The following SLC2A11 variants were observed in gnomAD, a reference collection of about 807,000 sequenced individuals.
The protein encoded by SLC2A11 is solute carrier family 2, facilitated glucose transporter member 11.
In SLC2A11, 43 loss-of-function variants were observed where a neutral mutation model predicts 52.1. That is an observed-to-expected ratio of 0.82 (90% CI 0.65 to 1.06). The LOEUF (loss-of-function observed/expected upper bound fraction) is 1.06. Among genes scored for constraint, SLC2A11 ranks in the 50% least tolerant of loss-of-function variants. SLC2A11 has a pLI of 0.00. For synonymous variants in SLC2A11, 261 were observed against 277.6 expected (o/e 0.94, Z 0.59); for missense variants, 582 against 654.2 (o/e 0.89, Z 1.20).
At chr22:23,878,772 G>C (rs922321055) in intron 6 of SLC2A11, among the ~76,000 whole-genome samples, 1 of 152,140 alleles carries the variant, frequency 6.6e-6, no homozygotes, top group East Asian at 1.9e-4. Context: ...TCCCATCCCA[G>C]GATCCCCCAA....
In SLC2A11 at chr22:23,877,661, G is replaced by T. The variant is rs755247360; in HGVS notation, c.546-60G>T. 4.6e-4 allele frequency: 694 copies of T among 1,506,768 alleles called. 3 individuals are homozygous for T. Among genetic ancestry groups the T allele is most frequent in the Non-Finnish European group, 5.2e-4 (582 of 1,126,246 alleles). 93.3% of individuals were successfully genotyped at this position (1,506,768 alleles called of 1,614,324 possible). ...GGGAGGTGTGTAGGTGGGCAGGAGAGCAGGGTGGTAGGACTCTGGCAAAGA... is the reference window on the plus strand; with the variant it reads ...GGGAGGTGTGTAGGTGGGCAGGAGATCAGGGTGGTAGGACTCTGGCAAAGA... On this transcript the variant is annotated intron_variant, in intron 5 of 11. Transcript: ENST00000316185.
chr22:23,868,707 G>C, intron 3 of SLC2A11, 66 bp downstream of exon 3: 4 of 1,577,116 alleles, frequency 2.5e-6, no homozygotes, highest in Non-Finnish European at 3.5e-6. Flanking sequence ...GCAGGCTGAG[G>C]AATGTGGAAG....
intron 4 of SLC2A11, 105 bp from the exon 5 acceptor site, chr22:23,876,937 T>G: frequency 1.9e-6 from 3 of 1,570,254 alleles, no homozygotes; most frequent in Non-Finnish European, 2.6e-6. Flanking sequence ...CAGGATCCAG[T>G]TGAGTGGCTG....
rs758293243 is a variant in SLC2A11, at chr22:23,884,576, C to T, written c.1300-73C>T. 4.3e-5 allele frequency: 66 copies of T among 1,547,518 alleles called. No homozygotes were observed. Among genetic ancestry groups the T allele is most frequent in the Non-Finnish European group, 5.5e-5 (63 of 1,143,482 alleles). On this transcript the variant is annotated intron_variant, in intron 11 of 11. Coordinates refer to ENST00000316185, the MANE Select transcript of SLC2A11 (RefSeq NM_001024939.4). The surrounding 1 kb of genome is among the most constrained non-coding windows in gnomAD (Gnocchi z 4.3). The stretch of plus-strand genomic sequence containing the variant: ...AAAGAGGGGGGCAAATGCCTCCTCA[C>T]GACCTGTCATGGGCCTTCTGTTTAG...
Position 23,882,864 on chromosome 22 carries a change from G to C in SLC2A11, c.988G>C (p.Val330Leu). ...GAGCTGCGAGCTGCTCACGGCGGTT[G>C]TTAGTGTGAGTCTGGAGGGTGCCCT... ...TGSCELLTAVVSCVVIERVGR... is the reference protein window; with the variant it reads ...TGSCELLTAVLSCVVIERVGR... The change falls in exon 8 of 12, where the codon GTT becomes CTT. Residue 330 changes from valine (V) to leucine (L), a missense_variant. Coordinates refer to ENST00000316185, the MANE Select transcript of SLC2A11 (RefSeq NM_001024939.4). 1 of 1,609,822 alleles carries C rather than the reference G, an allele frequency of 6.2e-7. No homozygotes were observed. The highest frequency in any genetic ancestry group is 8.5e-7 in the Non-Finnish European group (1 of 1,178,026).
At chr22:23,880,738 A>G (rs1009526547) in intron 6 of SLC2A11, 3 of 152,150 alleles carry the variant, frequency 2.0e-5, no homozygotes, top group African/African-American at 7.2e-5. Flanking sequence ...GTTGTTTTCA[A>G]CTAACCCAGT....
At position 23,884,879 on chromosome 22, in the gene SLC2A11, G is replaced by A. The variant is rs759695608; in HGVS notation, c.*30G>A. The A allele has an allele frequency of 5.0e-6, 8 of 1,598,026 alleles. No homozygotes were observed. In the South Asian group the frequency reaches 8.8e-5, roughly 18 times the overall value. On this transcript the variant is annotated 3_prime_UTR_variant, in exon 12 of 12. Coordinates refer to ENST00000316185, the MANE Select transcript of SLC2A11 (RefSeq NM_001024939.4). The surrounding 1 kb of genome is among the most constrained non-coding windows in gnomAD (Gnocchi z 4.3). ...AAAGGGGTGGCCAGAGCCAAAGCCA[G>A]CTACTGTCCTGTCCTCTGCTTCCTG...
chr22:23,857,087 TGTAG>T, upstream of SLC2A11: 1 of 372,918 alleles, frequency 2.7e-6, no homozygotes, highest in Non-Finnish European at 4.2e-6. Flanking sequence ...GGGGGGGGGG[TGTAG>T]GTGGGGCGTG....
At chr22:23,882,686 G>A in intron 7 of SLC2A11, 40 bp downstream of exon 7, 1 of 1,606,410 alleles carries the variant, frequency 6.2e-7, no homozygotes, top group Non-Finnish European at 8.5e-7. Flanking sequence ...GGCCCCGGGG[G>A]CTTGGTGTTG....
Position 23,884,681 on chromosome 22 carries a change from C to A in SLC2A11, c.1332C>A (p.Phe444Leu). 2.5e-6 allele frequency: 4 copies of A among 1,613,364 alleles called. No homozygotes were observed. In the South Asian group the frequency reaches 4.4e-5, roughly 18 times the overall value. The stretch of plus-strand genomic sequence containing the variant: ...TGTCCCACTTCCTCTATGTCCCTTT[C>A]CTTGGTGTCTGTGTCTGTGGGGCCA... ...EALSHFLYVP[F>L]LGVCVCGAIY... The change falls in exon 12 of 12, where the codon TTC (phenylalanine) becomes TTA (leucine). Residue 444 changes from phenylalanine to leucine, a missense_variant. Coordinates refer to ENST00000316185, the MANE Select transcript of SLC2A11 (RefSeq NM_001024939.4). The surrounding 1 kb of genome is among the most constrained non-coding windows in gnomAD (Gnocchi z 4.3).
Position 23,858,077 on chromosome 22 carries a change from T to G in SLC2A11, c.30+48T>G, listed in dbSNP as rs1164993216. The G allele has an allele frequency of 1.9e-6, 3 of 1,551,928 alleles. 1 individual carries two copies. The South Asian group carries it at 3.6e-5, about 18-fold the overall frequency. On this transcript the variant is annotated intron_variant, in intron 1 of 11. Coordinates refer to ENST00000316185, the MANE Select transcript of SLC2A11 (RefSeq NM_001024939.4). The stretch of plus-strand genomic sequence containing the variant: ...AGACCAGGCGTTTCAGATGAGGGAT[T>G]GCGGACCTGAGTGAACTGCGCAGGT...
intron 6 of SLC2A11, chr22:23,879,531 G>A (rs534629531): frequency 6.6e-6 from 1 of 152,378 alleles, no homozygotes; most frequent in African/African-American, 2.4e-5. Flanking sequence ...CTCCCAAAGT[G>A]CGTGGATTAT....
intron 6 of SLC2A11, chr22:23,881,811 G>A (rs1241927765): frequency 1.3e-5 from 2 of 152,092 alleles, no homozygotes; most frequent in Non-Finnish European, 1.4e-5. Context: ...GAGAGACAGA[G>A]GCAGAGAGAG....
chr22:23,882,839 G>C lies in SLC2A11; in HGVS notation c.963G>C (p.Gly321=), dbSNP rs1678661194. 6.2e-7 allele frequency: 1 copy of C among 1,613,488 alleles called. No individual in the cohort carries two copies. Among genetic ancestry groups the C allele is most frequent in the Non-Finnish European group, 8.5e-7 (1 of 1,179,728 alleles). The change falls in exon 8 of 12, where the codon GGG becomes GGC. Residue 321 remains glycine (G), a synonymous_variant. Coordinates refer to ENST00000316185, the MANE Select transcript of SLC2A11 (RefSeq NM_001024939.4). The part of the protein sequence containing the change: ...AKIQYAIIGT[G]SCELLTAVVS... ...TCCAGTACGCGATCATCGGGACTGG[G>C]AGCTGCGAGCTGCTCACGGCGGTTG...
Position 23,868,219 on chromosome 22 carries a change from G to A in SLC2A11, c.130-262G>A, listed in dbSNP as rs2146116581. ...TATTGTGTGAGTAGAGAGAAATAGT[G>A]TTTTCGCAGAGAGGGGCAAATGGAG... On this transcript the variant is annotated intron_variant, in intron 2 of 11. Coordinates refer to ENST00000316185, the MANE Select transcript of SLC2A11 (RefSeq NM_001024939.4). 6 of 527,458 alleles carry A rather than the reference G, an allele frequency of 1.1e-5. No homozygotes were observed. In the South Asian group the frequency reaches 1.7e-4, roughly 15 times the overall value. 32.7% of individuals were successfully genotyped at this position (527,458 alleles called of 1,614,324 possible).
intron 8 of SLC2A11, chr22:23,883,131 G>A (rs1275155953): frequency 4.1e-5 from 20 of 491,432 alleles, no homozygotes; most frequent in Non-Finnish European, 6.4e-5. Flanking sequence ...GCGTGGTGGC[G>A]GGCGCCTGTA....
Position 23,877,101 on chromosome 22 carries a change from G to T in SLC2A11, c.475G>T (p.Gly159Ter). The T allele has an allele frequency of 6.2e-7, 1 of 1,613,944 alleles. No homozygotes were observed. Among genetic ancestry groups the T allele is most frequent in the Non-Finnish European group, 8.5e-7 (1 of 1,179,972 alleles). Residue 159 changes from glycine (G) to a stop codon, truncating the protein, a stop_gained, in exon 5 of 12, where the codon GGA (glycine) becomes TGA (stop). Transcript: ENST00000316185. LOFTEE classifies it high-confidence loss of function. Reference sequence around the variant, plus strand: ...GGAGAGCGCCCCTAAGGAGCTCCGAGGAGCTGTGGCCATGAGCTCAGCCAT... The same window carrying T: ...GGAGAGCGCCCCTAAGGAGCTCCGATGAGCTGTGGCCATGAGCTCAGCCAT... ...LGESAPKELR[G>*]AVAMSSAIFT...
At chr22:23,874,731 C>T (rs867483080) in intron 3 of SLC2A11, among the ~76,000 whole-genome samples, 12 of 152,174 alleles carry the variant, frequency 7.9e-5, no homozygotes, top group Middle Eastern at 3.4e-3. Flanking sequence ...GGATTACAGG[C>T]GTGAGCCACC....
rs114351469 is a variant in SLC2A11 at position 23,863,547 on chromosome 22, C to T, written c.129+1345C>T. ...TTCACACAGCACTGAGGGAGAGCTG[C>T]AGGAACCAGGCCCCAGGACAGAACT... On this transcript the variant is annotated intron_variant, in intron 2 of 11. Coordinates refer to ENST00000316185, the MANE Select transcript of SLC2A11 (RefSeq NM_001024939.4). Among the ~76,000 whole-genome samples the T allele has an allele frequency of 7.9e-3, 1,188 of 150,508 alleles. 16 individuals carry two copies. The highest frequency in any genetic ancestry group is 0.028 in the African/African-American group (1,126 of 40,916).
Sources: allele counts gnomAD v4.1 joint callset (sites outside exome capture counted in the v4.1 genomes callset), GRCh38; gene constraint gnomAD v4.1.1; non-coding constraint Gnocchi (gnomAD v3.1); transcripts MANE v1.5; gene names NCBI Gene and HGNC (gene_info 2026-07-23, HGNC 2026-07-21).